FTCDNL1: variants seen among roughly 807,000 people sequenced by gnomAD.
The protein encoded by FTCDNL1 is formiminotransferase N-terminal subdomain-containing protein.
In FTCDNL1, 11 loss-of-function variants were observed where a neutral mutation model predicts 5.9. The ratio of observed to expected loss-of-function variants is 1.87; its 90% CI spans 1.18 to 3.10. The LOEUF is 3.10. FTCDNL1 is among the 30% of genes most tolerant of loss of function. FTCDNL1 has a pLI of 0.00. For synonymous variants in FTCDNL1, 58 were observed against 24.8 expected (o/e 2.34, Z -3.99); for missense variants, 115 against 65.5 (o/e 1.76, Z -2.61).
chr2:199,706,533 A>G, the FTCDNL1 span, among the ~76,000 whole-genome samples: 1 of 152,198 alleles, frequency 6.6e-6, no homozygotes, highest in African/African-American at 2.4e-5. Context: ...TTATTAATGT[A>G]TAATACAAAA....
At chr2:199,671,659 A>G in the FTCDNL1 span, among the ~76,000 whole-genome samples, 9 of 152,088 alleles carry the variant, frequency 5.9e-5, no homozygotes, top group African/African-American at 1.9e-4. Flanking sequence ...TCAAAGGTCT[A>G]CTGTCCCCTG....
At chr2:199,722,378 T>C in the FTCDNL1 span, among the ~76,000 whole-genome samples, 1 of 152,238 alleles carries the variant, frequency 6.6e-6, no homozygotes, top group Admixed American at 6.5e-5. Context: ...ATTTATTAAA[T>C]AGGCAATCCT....
Position 199,819,624 on chromosome 2 carries a change from A to G in FTCDNL1, c.345T>C (p.Ser115=). ...CAGCTCCCAGGTCAGGCTGAAGAGC[A>G]CTGAAATCCCTCCTCGTGAACCAGC... ...QLGWFTRRDF[S]ALQPDLGAAP... The change falls in exon 4 of 5, where the codon AGT becomes AGC. Residue 115 remains serine (S), a synonymous_variant. Coordinates refer to ENST00000420128, the MANE Select transcript of FTCDNL1 (RefSeq NM_001363886.2). 1 of 702,060 alleles carries G rather than the reference A, an allele frequency of 1.4e-6. No homozygotes were observed. Among genetic ancestry groups the G allele is most frequent in the Non-Finnish European group, 2.6e-6 (1 of 384,786 alleles). 43.5% of individuals were successfully genotyped at this position (702,060 alleles called of 1,614,324 possible).
At chr2:199,797,672 A>G (rs1421836260) in intron 3 of FTCDNL1, among the ~76,000 whole-genome samples, 1 of 152,328 alleles carries the variant, frequency 6.6e-6, no homozygotes. Context: ...GTGTTTTCCA[A>G]AACATAAATT....
chr2:199,757,230 AC>A (rs1205212086), downstream of FTCDNL1, among the ~76,000 whole-genome samples: 1 of 152,000 alleles, frequency 6.6e-6, no homozygotes, highest in Non-Finnish European at 1.5e-5. Context: ...AAATATAAGA[AC>A]CCTTCTAGGA....
chr2:199,746,962 T>G, the FTCDNL1 span, among the ~76,000 whole-genome samples: 1 of 151,910 alleles, frequency 6.6e-6, no homozygotes, highest in Non-Finnish European at 1.5e-5. Flanking sequence ...GAGGTTCTCG[T>G]GAATTTTGTT....
At chr2:199,777,939 G>T (rs945342544) in intron 3 of FTCDNL1, among the ~76,000 whole-genome samples, 2 of 151,968 alleles carry the variant, frequency 1.3e-5, no homozygotes, top group Non-Finnish European at 2.9e-5. Context: ...ATAGAATCAG[G>T]CTCTGTTTCA....
the FTCDNL1 span, among the ~76,000 whole-genome samples, chr2:199,734,897 T>G: frequency 3.3e-5 from 5 of 152,152 alleles, no homozygotes; most frequent in Admixed American, 2.0e-4. Context: ...GTTTAAAAAA[T>G]TATGGGGAAA....
intron 3 of FTCDNL1, among the ~76,000 whole-genome samples, chr2:199,824,918 G>T (rs1214876628): frequency 6.6e-6 from 1 of 152,054 alleles, no homozygotes; most frequent in Non-Finnish European, 1.5e-5. Flanking sequence ...CAGGCAGACT[G>T]CCTGAGCTCA....
At chr2:199,738,395 A>C in the FTCDNL1 span, among the ~76,000 whole-genome samples, 1 of 152,224 alleles carries the variant, frequency 6.6e-6, no homozygotes, top group Non-Finnish European at 1.5e-5. Context: ...ATGTTTATTA[A>C]TAAAGAGCCT....
At chr2:199,733,433 G>T in the FTCDNL1 span, among the ~76,000 whole-genome samples, 1 of 152,220 alleles carries the variant, frequency 6.6e-6, no homozygotes, top group African/African-American at 2.4e-5. Context: ...AGATGCCTGA[G>T]AAGTTAAGTT....
In FTCDNL1 at chr2:199,812,654, C is replaced by T. The variant is rs1319313020; in HGVS notation, c.*51G>A. ...GCACTCAGCTGCTCTGGTGGCAGCA[C>T]GGATCCCCTCACTGCAAGGCTGAAA... On this transcript the variant is annotated 3_prime_UTR_variant, in exon 5 of 5. Coordinates refer to ENST00000420128, the MANE Select transcript of FTCDNL1 (RefSeq NM_001363886.2). The T allele has an allele frequency of 2.9e-6, 2 of 687,784 alleles. No individual in the cohort carries two copies. The highest frequency in any genetic ancestry group is 1.6e-5 in the South Asian group (1 of 64,392). The allele number at this position is 687,784 out of a possible 1,614,324, so 42.6% of individuals were successfully genotyped here.
rs374926252 is a variant in FTCDNL1, at chr2:199,765,556, A to ATTTTTTTTTTTTTTTTTTTTTT, written c.212-4722_212-4721insAAAAAAAAAAAAAAAAAAAAAA. Among the ~76,000 whole-genome samples, 5 of 42,664 alleles carry ATTTTTTTTTTTTTTTTTTTTTT rather than the reference A, an allele frequency of 1.2e-4. 2 individuals are homozygous for ATTTTTTTTTTTTTTTTTTTTTT. In the East Asian group the frequency reaches 6.7e-3, roughly 57 times the overall value. The allele number at this position is 42,664 out of a possible 152,430, so 28.0% of individuals were successfully genotyped here. Reference sequence around the variant, plus strand: ...ATTATATATATATATATATATATATATTTTTTTTTTTTTTTTTGGAGATGG... The same window carrying ATTTTTTTTTTTTTTTTTTTTTT: ...ATTATATATATATATATATATATATATTTTTTTTTTTTTTTTTTTTTTTTTTTTTTTTTTTTTTTGGAGATGG... On this transcript the variant is annotated intron_variant, in intron 3 of 3. Transcript: ENST00000416668.
At chr2:199,723,175 T>A in the FTCDNL1 span, among the ~76,000 whole-genome samples, 2 of 152,096 alleles carry the variant, frequency 1.3e-5, no homozygotes. Flanking sequence ...GTGTTCTCAT[T>A]TTTCAGCTCC....
At chr2:199,848,294 G>A (rs2076782908) in intron 2 of FTCDNL1, among the ~76,000 whole-genome samples, 1 of 152,200 alleles carries the variant, frequency 6.6e-6, no homozygotes, top group South Asian at 2.1e-4. Context: ...CCAAATTGCT[G>A]AGTGATCTTA....
chr2:199,711,323 A>G, the FTCDNL1 span, among the ~76,000 whole-genome samples: 1 of 131,978 alleles, frequency 7.6e-6, no homozygotes, highest in Non-Finnish European at 1.6e-5. Context: ...ATACAGACCC[A>G]TATGTGTAAT....
intron 3 of FTCDNL1, among the ~76,000 whole-genome samples, chr2:199,781,031 C>A (rs557056451): frequency 2.0e-5 from 3 of 152,176 alleles, no homozygotes; most frequent in African/African-American, 7.2e-5. Context: ...TGTGCCAGCA[C>A]CGAGTGACTG....
the FTCDNL1 span, among the ~76,000 whole-genome samples, chr2:199,717,988 A>AAC: frequency 2.3e-5 from 2 of 85,242 alleles, no homozygotes; most frequent in East Asian, 8.7e-4. Context: ...CAAAAAAACA[A>AAC]AAAAAAAAAA....
chr2:199,816,490 G>C (rs997700159), intron 4 of FTCDNL1, among the ~76,000 whole-genome samples: 1 of 152,006 alleles, frequency 6.6e-6, no homozygotes, highest in Non-Finnish European at 1.5e-5. Flanking sequence ...ATAATCACAG[G>C]GTTGATTTAG....
Sources: gnomAD v4.1 joint callset for allele counts (sites outside exome capture counted in the v4.1 genomes callset) on GRCh38, gnomAD v4.1.1 for gene constraint, MANE v1.5 for transcripts, NCBI Gene and HGNC (gene_info 2026-07-23, HGNC 2026-07-21) for gene names.